The following USP34 variants were observed in gnomAD, a reference collection of about 807,000 sequenced individuals.
USP34 encodes ubiquitin specific peptidase 34.
A neutral mutation model predicts 460.3 loss-of-function variants in USP34; 70 were observed. That is an observed-to-expected ratio of 0.15 (90% CI 0.13 to 0.19). The LOEUF (loss-of-function observed/expected upper bound fraction) is 0.19, where lower values mean the gene tolerates loss of function less well. Among genes scored for constraint, USP34 ranks in the 10% least tolerant of loss-of-function variants. USP34 has a pLI of 1.00. For synonymous variants in USP34, 1,647 were observed against 1,405.3 expected (o/e 1.17, Z -3.85); for missense variants, 3,985 against 4,236.2 (o/e 0.94, Z 1.65).
intron 35 of USP34, 28 bp from the exon 36 acceptor site, chr2:61,283,477 A>G: frequency 6.3e-7 from 1 of 1,597,388 alleles, no homozygotes; most frequent in South Asian, 1.1e-5. Flanking sequence ...CACCACCACC[A>G]ATTAAATTCA....
chr2:61,377,676 G>A (rs949134900), intron 8 of USP34, among the ~76,000 whole-genome samples: 4 of 152,026 alleles, frequency 2.6e-5, no homozygotes, highest in South Asian at 2.1e-4. Context: ...ACCTGATCTC[G>A]GACTTCCAGC....
At chr2:61,275,024 C>A (rs758657252) in intron 41 of USP34, among the ~76,000 whole-genome samples, 2 of 152,164 alleles carry the variant, frequency 1.3e-5, no homozygotes, top group African/African-American at 2.4e-5. Context: ...TGCCTGTAAT[C>A]CTGGCACATT....
intron 41 of USP34, among the ~76,000 whole-genome samples, chr2:61,267,997 G>A (rs773857232): frequency 2.6e-5 from 4 of 151,346 alleles, no homozygotes; most frequent in South Asian, 2.1e-4. Context: ...CTTGTGATTC[G>A]CCAGCCTCAG....
chr2:61,439,464 T>A (rs1443010292), intron 1 of USP34, among the ~76,000 whole-genome samples: 1 of 152,174 alleles, frequency 6.6e-6, no homozygotes, highest in Non-Finnish European at 1.5e-5. Context: ...CCCTGCTGTA[T>A]GTGAGCACTG....
At chr2:61,337,264 T>G (rs1417399501) in intron 18 of USP34, among the ~76,000 whole-genome samples, 1 of 152,222 alleles carries the variant, frequency 6.6e-6, no homozygotes, top group African/African-American at 2.4e-5. Flanking sequence ...ATACATAATG[T>G]TTTTGTGTCT....
At chr2:61,248,428 T>C (rs1688481601) in intron 49 of USP34, 83 bp downstream of exon 49, 80 of 1,401,250 alleles carry the variant, frequency 5.7e-5, no homozygotes, top group Non-Finnish European at 7.5e-5. Flanking sequence ...AACTGTGTAG[T>C]TGATGACAAC....
chr2:61,240,904 C>T (rs117988796), intron 53 of USP34, among the ~76,000 whole-genome samples: 186 of 152,262 alleles, frequency 1.2e-3, no homozygotes, highest in East Asian at 4.2e-3. Context: ...ATTTCAATTA[C>T]AATGCATGCT....
intron 57 of USP34, among the ~76,000 whole-genome samples, chr2:61,235,482 C>T (rs1297462965): frequency 6.6e-6 from 1 of 151,946 alleles, no homozygotes; most frequent in African/African-American, 2.4e-5. Flanking sequence ...TGTGCCACCA[C>T]ACCCAGCTAA....
At chr2:61,405,586 A>C in intron 3 of USP34, 122 bp downstream of exon 3, 1 of 979,824 alleles carries the variant, frequency 1.0e-6, no homozygotes, top group Non-Finnish European at 1.5e-6. Context: ...AACATTAAAT[A>C]ATTCTGGTGA....
At chr2:61,398,403 G>A (rs984123579) in intron 3 of USP34, among the ~76,000 whole-genome samples, 21 of 144,786 alleles carry the variant, frequency 1.5e-4, no homozygotes, top group Non-Finnish European at 9.1e-5. Flanking sequence ...GACAGAAAGA[G>A]AGGGAGAGAA....
At chr2:61,209,215 A>G (rs1687204783) in intron 69 of USP34, among the ~76,000 whole-genome samples, 1 of 152,378 alleles carries the variant, frequency 6.6e-6, no homozygotes, top group Non-Finnish European at 1.5e-5. Flanking sequence ...CAATGGCAGA[A>G]GATATGGGAA....
intron 1 of USP34, among the ~76,000 whole-genome samples, chr2:61,462,253 A>G (rs1218115328): frequency 6.6e-6 from 1 of 150,816 alleles, no homozygotes; most frequent in African/African-American, 2.4e-5. Context: ...GGGAAAAAAA[A>G]AAAAAAGAAA....
intron 48 of USP34, 25 bp from the exon 49 acceptor site, chr2:61,248,708 A>C (rs1277227131): frequency 6.6e-7 from 1 of 1,525,694 alleles, no homozygotes; most frequent in Non-Finnish European, 8.8e-7. Context: ...AAAAATTAAT[A>C]AAGATTATTT....
chr2:61,331,551 T>C (rs1415233066), intron 19 of USP34, among the ~76,000 whole-genome samples, 180 bp from the exon 20 acceptor site: 2 of 152,052 alleles, frequency 1.3e-5, no homozygotes, highest in Non-Finnish European at 2.9e-5. Context: ...TGTTCCTTCA[T>C]TTTTATGAAT....
At chr2:61,429,885 C>T (rs1016447197) in intron 1 of USP34, among the ~76,000 whole-genome samples, 3 of 151,646 alleles carry the variant, frequency 2.0e-5, no homozygotes, top group Non-Finnish European at 4.4e-5. Context: ...AACATGGTGA[C>T]ACCCTGTCTC....
intron 50 of USP34, 151 bp from the exon 51 acceptor site, chr2:61,245,439 G>C (rs550029853): frequency 2.3e-6 from 1 of 442,810 alleles, no homozygotes; most frequent in Non-Finnish European, 4.0e-6. Flanking sequence ...TAATCTACTA[G>C]AAATTGGAAA....
chr2:61,470,763 G>C lies in USP34; in HGVS notation c.-71C>G. ...CTGATCCCGACCGGCGGGGGGGAGG[G>C]GAGAGAGGCGGAGGAGGGGGCCGGC... On this transcript the variant is annotated 5_prime_UTR_variant, in exon 1 of 80. Transcript: ENST00000398571. The C allele has an allele frequency of 1.4e-6, 2 of 1,381,476 alleles. No individual in the cohort carries two copies. Among genetic ancestry groups the C allele is most frequent in the Non-Finnish European group, 2.0e-6 (2 of 998,310 alleles). The allele number at this position is 1,381,476 out of a possible 1,614,324, so 85.6% of individuals were successfully genotyped here.
chr2:61,400,087 TGAG>T (rs1468300830), intron 3 of USP34, among the ~76,000 whole-genome samples: 2 of 149,728 alleles, frequency 1.3e-5, no homozygotes, highest in Non-Finnish European at 3.0e-5. Flanking sequence ...GAGAAATAAA[TGAG>T]TAACTATACA....
chr2:61,319,336 A>T lies in USP34; in HGVS notation c.3014-9T>A. On this transcript the variant is annotated splice_polypyrimidine_tract_variant and intron_variant, in intron 21 of 79. Coordinates refer to ENST00000398571, the MANE Select transcript of USP34 (RefSeq NM_014709.4). ...TTGCTCTAAACTTAACCCTAGATAA[A>T]AATTATAAATTTTATACTTTATTAA... 6.6e-7 allele frequency: 1 copy of T among 1,520,224 alleles called. No individual in the cohort carries two copies. The highest frequency in any genetic ancestry group is 8.8e-7 in the Non-Finnish European group (1 of 1,142,508). 94.2% of individuals were successfully genotyped at this position (1,520,224 alleles called of 1,614,324 possible).
Sources: allele counts gnomAD v4.1 joint callset (sites outside exome capture counted in the v4.1 genomes callset), GRCh38; gene constraint gnomAD v4.1.1; transcripts MANE v1.5; gene names NCBI Gene and HGNC (gene_info 2026-07-23, HGNC 2026-07-21).